Variants in DOCK2 observed in about 807,000 individuals in gnomAD.
The protein encoded by DOCK2 is dedicator of cytokinesis protein 2.
DOCK2 carries 87 observed loss-of-function variants against 248.9 expected under a neutral mutation model. That is an observed-to-expected ratio of 0.35 (90% CI 0.29 to 0.42). The LOEUF (loss-of-function observed/expected upper bound fraction) is 0.42. Ranked by LOEUF, DOCK2 falls within the 10% of genes least tolerant of loss-of-function variation. The probability of loss-of-function intolerance (pLI) is 1.00; values close to 1 mark genes in which losing one functional copy is unlikely to be tolerated. For missense variants in DOCK2, 1,747 were observed against 2,300.2 expected, an observed-to-expected ratio of 0.76 and a Z score of 4.92; for synonymous variants, 805 against 821.6, an observed-to-expected ratio of 0.98 and a Z score of 0.35.
intron 43 of DOCK2, 48 bp from the exon 44 acceptor site, chr5:170,057,532 A>ATG: frequency 6.4e-7 from 1 of 1,561,560 alleles, no homozygotes; most frequent in Non-Finnish European, 8.8e-7. Context: ...GGTTTCATAA[A>ATG]TGTGTTTGTT....
At chr5:169,777,892 TCTCAG>T in intron 25 of DOCK2, among the ~76,000 whole-genome samples, 1 of 152,260 alleles carries the variant, frequency 6.6e-6, no homozygotes, top group African/African-American at 2.4e-5. Flanking sequence ...AGAGCTGGAG[TCTCAG>T]CTCTGCAGTT....
chr5:170,012,729 A>T (rs543726068), intron 32 of DOCK2, among the ~76,000 whole-genome samples: 1 of 152,312 alleles, frequency 6.6e-6, no homozygotes, highest in South Asian at 2.1e-4. Flanking sequence ...GTAGTATAGC[A>T]TCGTAACACT....
chr5:170,077,615 C>G (rs1757879942), intron 47 of DOCK2, 95 bp from the exon 48 acceptor site: 4 of 1,557,228 alleles, frequency 2.6e-6, no homozygotes, highest in Non-Finnish European at 3.5e-6. Context: ...AGCCCCACAA[C>G]TCTGCCCTGC....
At chr5:170,068,270 A>G (rs1198386635) in intron 45 of DOCK2, among the ~76,000 whole-genome samples, 1 of 152,236 alleles carries the variant, frequency 6.6e-6, no homozygotes, top group African/African-American at 2.4e-5. Flanking sequence ...TATATGAGTT[A>G]CATTATCCAC....
intron 27 of DOCK2, among the ~76,000 whole-genome samples, chr5:169,882,241 TG>T (rs1177596649): frequency 6.6e-6 from 1 of 152,316 alleles, no homozygotes; most frequent in Non-Finnish European, 1.5e-5. Context: ...TCCCCCATCA[TG>T]TATCAATAGA....
chr5:169,643,624 C>T (rs1257133422), intron 1 of DOCK2, among the ~76,000 whole-genome samples: 1 of 152,162 alleles, frequency 6.6e-6, no homozygotes, highest in Non-Finnish European at 1.5e-5. Context: ...TGCTCACCTC[C>T]TGCTCTGCAG....
chr5:169,827,048 A>T (rs969169516), intron 26 of DOCK2, among the ~76,000 whole-genome samples: 4 of 152,088 alleles, frequency 2.6e-5, no homozygotes, highest in African/African-American at 4.8e-5. Context: ...ATTGAAATTT[A>T]TGTAGAGAGC....
intron 27 of DOCK2, among the ~76,000 whole-genome samples, chr5:169,876,306 G>A (rs1772331952): frequency 6.6e-6 from 1 of 152,184 alleles, no homozygotes; most frequent in Non-Finnish European, 1.5e-5. Flanking sequence ...GTAGGATGTG[G>A]ACACCTTAGG....
Position 169,700,089 on chromosome 5 carries a change from G to C in DOCK2, c.1208G>C (p.Arg403Thr). 6.2e-7 allele frequency: 1 copy of C among 1,613,996 alleles called. No individual in the cohort carries two copies. The highest frequency in any genetic ancestry group is 8.5e-7 in the Non-Finnish European group (1 of 1,179,912). ...AAGGACTATCCACACCTGGTGGACAGGACCACCGTGGTGGCCAGGAAGCTG... is the reference window on the plus strand; with the variant it reads ...AAGGACTATCCACACCTGGTGGACACGACCACCGTGGTGGCCAGGAAGCTG... ...IRKDYPHLVD[R>T]TTVVARKLGF... Residue 403 changes from arginine (R) to threonine (T), a missense_variant, in exon 13 of 52, where the codon AGG (arginine) becomes ACG (threonine). Arg to Thr is a moderately conservative substitution (Grantham distance 71, BLOSUM62 -1). Transcript: ENST00000520908.
chr5:169,645,956 A>C (rs1212475504), intron 1 of DOCK2, among the ~76,000 whole-genome samples: 3 of 152,020 alleles, frequency 2.0e-5, no homozygotes, highest in Non-Finnish European at 2.9e-5. Flanking sequence ...TCACCGTGTT[A>C]GCCAGGAAGG....
Position 169,799,552 on chromosome 5 carries a change from A to G in DOCK2, c.2555-3506A>G, listed in dbSNP as rs540355664. On this transcript the variant is annotated intron_variant, in intron 25 of 51. Transcript: ENST00000520908. ...AAGATAACTTTTAGCCAGGCAAAAG[A>G]AAAAAGAGAAGATAACTTTTAAAAT... 1.5e-3 allele frequency among the ~76,000 whole-genome samples: 221 copies of G among 152,352 alleles called. 4 individuals are homozygous for G. In the South Asian group the frequency reaches 0.043, roughly 30 times the overall value.
rs10684419 is a variant in DOCK2, at chr5:169,840,585, CGATGATGAT to C, written c.2704-140_2704-132del. The stretch of plus-strand genomic sequence containing the variant: ...GGTGGTAATGACGATGGAGATATGG[CGATGATGAT>C]GATGATGATGATGATGATGATGATG... On this transcript the variant is annotated intron_variant, in intron 26 of 51. Coordinates refer to ENST00000520908, the MANE Select transcript of DOCK2 (RefSeq NM_004946.3). Among the ~76,000 whole-genome samples, 137 of 148,202 alleles carry C rather than the reference CGATGATGAT, an allele frequency of 9.2e-4. 1 individual carries two copies. The East Asian group carries it at 0.02, about 22-fold the overall frequency.
chr5:169,735,001 A>T (rs77185917), intron 22 of DOCK2, among the ~76,000 whole-genome samples: 18 of 152,122 alleles, frequency 1.2e-4, no homozygotes, highest in South Asian at 4.1e-4. Context: ...TTGACAGTTT[A>T]GTGACTTATA....
intron 27 of DOCK2, among the ~76,000 whole-genome samples, chr5:169,943,665 C>A (rs1776329674): frequency 6.6e-6 from 1 of 152,080 alleles, no homozygotes; most frequent in Non-Finnish European, 1.5e-5. Flanking sequence ...GATCTGGGGG[C>A]AGTGGTTCTC....
chr5:169,869,022 A>G (rs1036909524), intron 27 of DOCK2, among the ~76,000 whole-genome samples: 14 of 152,154 alleles, frequency 9.2e-5, no homozygotes, highest in African/African-American at 3.4e-4. Flanking sequence ...GAGTTACACT[A>G]GCTTCCTCGC....
At chr5:170,082,668 G>A in intron 51 of DOCK2, 128 bp from the exon 52 acceptor site, 1 of 1,184,162 alleles carries the variant, frequency 8.4e-7, no homozygotes, top group Non-Finnish European at 1.2e-6. Context: ...GGGCATAGCA[G>A]CTCACATTCA....
intron 1 of DOCK2, among the ~76,000 whole-genome samples, chr5:169,643,564 C>T (rs1434734306): frequency 6.6e-6 from 1 of 152,158 alleles, no homozygotes; most frequent in Non-Finnish European, 1.5e-5. Context: ...ATCGAATGCC[C>T]CTGCTGATCT....
chr5:169,641,250 C>A (rs1212849653), intron 1 of DOCK2, among the ~76,000 whole-genome samples: 1 of 152,234 alleles, frequency 6.6e-6, no homozygotes, highest in Non-Finnish European at 1.5e-5. Context: ...GGAGTTGAGA[C>A]TCCAACGTCT....
chr5:169,953,406 C>T (rs985501014), intron 27 of DOCK2, among the ~76,000 whole-genome samples: 2 of 151,462 alleles, frequency 1.3e-5, no homozygotes, highest in African/African-American at 4.9e-5. Context: ...GTCCTAGCTT[C>T]CTCTATTTCT....
Sources: gnomAD v4.1 joint callset for allele counts (sites outside exome capture counted in the v4.1 genomes callset) on GRCh38, gnomAD v4.1.1 for gene constraint, MANE v1.5 for transcripts, NCBI Gene and HGNC (gene_info 2026-07-23, HGNC 2026-07-21) for gene names.